SORCS2: variants seen among roughly 807,000 people sequenced by gnomAD.
SORCS2 encodes VPS10 domain-containing receptor SorCS2.
A neutral mutation model predicts 141.6 loss-of-function variants in SORCS2; 100 were observed. That is an observed-to-expected ratio of 0.71 (90% CI 0.60 to 0.83). The LOEUF (loss-of-function observed/expected upper bound fraction) is 0.83, where lower values mean the gene tolerates loss of function less well. Among genes scored for constraint, SORCS2 ranks in the 40% least tolerant of loss-of-function variants. The probability of loss-of-function intolerance (pLI) is 0.00; values close to 1 mark genes in which losing one functional copy is unlikely to be tolerated. For synonymous variants in SORCS2, 789 were observed against 676.9 expected (o/e 1.17, Z -2.57); for missense variants, 1,646 against 1,560.2 (o/e 1.05, Z -0.93).
At chr4:7,531,366 C>T (rs1027497248) in intron 2 of SORCS2, among the ~76,000 whole-genome samples, 164 bp from the exon 3 acceptor site, 1 of 152,224 alleles carries the variant, frequency 6.6e-6, no homozygotes, top group Non-Finnish European at 1.5e-5. Flanking sequence ...CCTCTCCTGC[C>T]TTGTCGGCAT....
intron 1 of SORCS2, among the ~76,000 whole-genome samples, chr4:7,305,535 G>A (rs1717757573): frequency 6.6e-6 from 1 of 152,188 alleles, no homozygotes; most frequent in Non-Finnish European, 1.5e-5. Flanking sequence ...GCAGGTGGTG[G>A]ACTAGGTTGG....
Position 7,403,997 on chromosome 4 carries a change from A to ATATATTTTTTT in SORCS2, c.548+7643_548+7644insATATTTTTTTT, listed in dbSNP as rs1265288820. Among the ~76,000 whole-genome samples, 3 of 19,000 alleles carry ATATATTTTTTT rather than the reference A, an allele frequency of 1.6e-4. No individual in the cohort carries two copies. In the Admixed American group the frequency reaches 1.6e-3, roughly 10 times the overall value. 12.5% of individuals were successfully genotyped at this position (19,000 alleles called of 152,430 possible). On this transcript the variant is annotated intron_variant, in intron 2 of 26. Transcript: ENST00000507866. ...TATATATATATATATATATATATAT[A>ATATATTTTTTT]TTTTTTTTTTTTTTTTAGTATCCAT...
rs188452711 is a variant in SORCS2 at position 7,486,056 on chromosome 4, C to A, written c.549-45474C>A. Among the ~76,000 whole-genome samples, 240 of 152,300 alleles carry A rather than the reference C, an allele frequency of 1.6e-3. 1 individual carries two copies. Among genetic ancestry groups the A allele is most frequent in the Non-Finnish European group, 1.5e-3 (99 of 67,996 alleles). On this transcript the variant is annotated intron_variant, in intron 2 of 26. Coordinates refer to ENST00000507866, the MANE Select transcript of SORCS2 (RefSeq NM_020777.3). ...TGCATACCGAAGCCCACGGATGTCA[C>A]CCACAGCACAGCCTGGGGATGGCAA...
intron 3 of SORCS2, among the ~76,000 whole-genome samples, chr4:7,610,462 C>A (rs972250566): frequency 8.5e-5 from 13 of 152,152 alleles, no homozygotes; most frequent in African/African-American, 2.7e-4. Flanking sequence ...CTGCACGAGG[C>A]CCCCCGGGTT....
intron 15 of SORCS2, among the ~76,000 whole-genome samples, chr4:7,713,639 T>A (rs1343748616): frequency 1.3e-5 from 2 of 151,946 alleles, no homozygotes; most frequent in African/African-American, 4.8e-5. Context: ...CAGTGGGGGA[T>A]GAGGAAGCCT....
At chr4:7,687,023 G>T (rs1723922172) in intron 10 of SORCS2, among the ~76,000 whole-genome samples, 1 of 152,216 alleles carries the variant, frequency 6.6e-6, no homozygotes, top group African/African-American at 2.4e-5. Context: ...GGTAGCTAGG[G>T]TTTGTGAAGC....
chr4:7,265,214 TG>T (rs2108831486), intron 1 of SORCS2, among the ~76,000 whole-genome samples: 1 of 152,262 alleles, frequency 6.6e-6, no homozygotes, highest in South Asian at 2.1e-4. Flanking sequence ...AGGTGTAGGC[TG>T]GGCACGATGG....
At chr4:7,637,309 C>T (rs373769292) in intron 3 of SORCS2, among the ~76,000 whole-genome samples, 1,287 of 50,934 alleles carry the variant, frequency 0.025, 12 homozygotes, top group Non-Finnish European at 0.035. Flanking sequence ...TACATCAGCA[C>T]CTCGGGCCTG....
chr4:7,536,046 C>T (rs1366521627), intron 3 of SORCS2, among the ~76,000 whole-genome samples: 1 of 152,224 alleles, frequency 6.6e-6, no homozygotes, highest in African/African-American at 2.4e-5. Flanking sequence ...GAAACATTGG[C>T]TCCTGTCTGC....
intron 14 of SORCS2, among the ~76,000 whole-genome samples, chr4:7,708,809 A>G (rs1725642337): frequency 6.6e-6 from 1 of 152,166 alleles, no homozygotes; most frequent in South Asian, 2.1e-4. Context: ...CAAAGAATTC[A>G]TCCCTGAGGG....
intron 3 of SORCS2, among the ~76,000 whole-genome samples, chr4:7,603,027 T>C (rs1398711569): frequency 1.3e-5 from 2 of 152,136 alleles, no homozygotes; most frequent in Non-Finnish European, 2.9e-5. Flanking sequence ...GGCGTGGTGG[T>C]GTGCGCCTGC....
intron 3 of SORCS2, among the ~76,000 whole-genome samples, chr4:7,549,497 T>A (rs1384380923): frequency 1.3e-5 from 2 of 152,150 alleles, no homozygotes; most frequent in African/African-American, 4.8e-5. Flanking sequence ...AGGGCACTGA[T>A]AATCCACCAG....
chr4:7,528,845 T>C (rs1209979625), intron 2 of SORCS2, among the ~76,000 whole-genome samples: 1 of 151,094 alleles, frequency 6.6e-6, no homozygotes, highest in Non-Finnish European at 1.5e-5. Context: ...TCTGAGAGTG[T>C]TTTTTTCAGA....
In SORCS2 at chr4:7,242,473, G is replaced by A. The variant is rs544193322; in HGVS notation, c.480+49347G>A. ...CCCACCCCGGCCTCCCAAAGTGCTG[G>A]GATTATAGTGTGAGCCACTGCACTG... On this transcript the variant is annotated intron_variant, in intron 1 of 26. Transcript: ENST00000507866. 3.1e-4 allele frequency among the ~76,000 whole-genome samples: 47 copies of A among 152,078 alleles called. No homozygotes were observed. In the East Asian group the frequency reaches 6.0e-3, roughly 19 times the overall value.
chr4:7,508,294 C>T (rs1266885036), intron 2 of SORCS2, among the ~76,000 whole-genome samples: 1 of 144,272 alleles, frequency 6.9e-6, no homozygotes, highest in Non-Finnish European at 1.5e-5. Context: ...TAGCACCCAT[C>T]ACCTCTTTCC....
chr4:7,603,052 C>T (rs9291137), intron 3 of SORCS2, among the ~76,000 whole-genome samples: 11,299 of 152,116 alleles, frequency 0.074, 641 homozygotes, highest in African/African-American at 0.15. Flanking sequence ...GCAGGCACTC[C>T]GCAGGCTGAG....
intron 14 of SORCS2, among the ~76,000 whole-genome samples, chr4:7,711,817 A>G (rs1466083012): frequency 2.0e-5 from 3 of 152,182 alleles, no homozygotes; most frequent in Non-Finnish European, 4.4e-5. Context: ...CTGTGCATGC[A>G]TAGCTTCCAG....
At chr4:7,520,661 G>C (rs1319424777) in intron 2 of SORCS2, among the ~76,000 whole-genome samples, 1 of 152,230 alleles carries the variant, frequency 6.6e-6, no homozygotes, top group African/African-American at 2.4e-5. Flanking sequence ...GGCACCGGGG[G>C]TGGCCCTAGG....
intron 1 of SORCS2, among the ~76,000 whole-genome samples, chr4:7,368,203 C>T (rs748769947): frequency 6.6e-6 from 1 of 152,210 alleles, no homozygotes; most frequent in Non-Finnish European, 1.5e-5. Context: ...TGAAGGGGAA[C>T]CGCCCTGGTG....
Sources: allele counts gnomAD v4.1 joint callset (sites outside exome capture counted in the v4.1 genomes callset), GRCh38; gene constraint gnomAD v4.1.1; transcripts MANE v1.5; gene names NCBI Gene and HGNC (gene_info 2026-07-23, HGNC 2026-07-21).